The following NAT2 variants were observed in gnomAD, a reference collection of about 807,000 sequenced individuals.
NAT2 encodes the protein N-acetyltransferase 2, also known as arylamine N-acetyltransferase 2.
For missense variants in NAT2, 428 were observed against 339.1 expected, an observed-to-expected ratio of 1.26 and a Z score of -2.06; for synonymous variants, 137 against 125.9, an observed-to-expected ratio of 1.09 and a Z score of -0.59.
chr8:18,394,313 C>T (rs150180688), intron 1 of NAT2, among the ~76,000 whole-genome samples: 24 of 152,214 alleles, frequency 1.6e-4, no homozygotes, highest in African/African-American at 5.8e-4. Flanking sequence ...ATGCAGGTCA[C>T]GGGATATGAT....
chr8:18,395,618 G>A (rs1219436883), intron 1 of NAT2, among the ~76,000 whole-genome samples: 2 of 152,100 alleles, frequency 1.3e-5, no homozygotes, highest in Non-Finnish European at 2.9e-5. Flanking sequence ...CAACAAGACT[G>A]AATTTAGAAT....
upstream of NAT2, among the ~76,000 whole-genome samples, chr8:18,390,585 G>A (rs192791042): frequency 2.0e-3 from 297 of 151,946 alleles, no homozygotes; most frequent in African/African-American, 6.6e-3. Flanking sequence ...TATATACAAT[G>A]TTTATATTTT....
At chr8:18,396,662 G>A (rs1266496017) in intron 1 of NAT2, among the ~76,000 whole-genome samples, 2 of 152,094 alleles carry the variant, frequency 1.3e-5, no homozygotes, top group African/African-American at 2.4e-5. Context: ...CCAAAGTGCT[G>A]GGATGACAGG....
At position 18,400,304 on chromosome 8, in the gene NAT2, T is replaced by C. The variant is rs1200849934; in HGVS notation, c.301T>C (p.Tyr101His). The C allele has an allele frequency of 6.2e-7, 1 of 1,613,796 alleles. No homozygotes were observed. Among genetic ancestry groups the C allele is most frequent in the South Asian group, 1.1e-5 (1 of 91,042 alleles). Residue 101 changes from tyrosine (Y) to histidine (H), a missense_variant, in exon 2 of 2, where the codon TAC (tyrosine) becomes CAC (histidine). By Grantham distance (83) the Tyr-to-His change is moderately conservative. Coordinates refer to ENST00000286479, the MANE Select transcript of NAT2 (RefSeq NM_000015.3). ...TTTTTACATCCCTCCAGTTAACAAA[T>C]ACAGCACTGGCATGGTTCACCTTCT... ...GYFYIPPVNKYSTGMVHLLLQ... is the reference protein window; with the variant it reads ...GYFYIPPVNKHSTGMVHLLLQ...
In NAT2 at chr8:18,399,988, T is replaced by C. The variant is rs1263246579; in HGVS notation, c.-6-10T>C. On this transcript the variant is annotated splice_polypyrimidine_tract_variant and intron_variant, in intron 1 of 1. Transcript: ENST00000286479. Reference sequence around the variant, plus strand: ...ATGATATGTTTTTATGTTTTGTTTTTCTTGCTTAGGGGATCATGGACATTG... The same window carrying C: ...ATGATATGTTTTTATGTTTTGTTTTCCTTGCTTAGGGGATCATGGACATTG... 2 of 1,543,940 alleles carry C rather than the reference T, an allele frequency of 1.3e-6. No individual in the cohort carries two copies. The highest frequency in any genetic ancestry group is 2.1e-5 in the Admixed American group (1 of 48,420).
chr8:18,392,355 G>A (rs1459301639), intron 1 of NAT2, among the ~76,000 whole-genome samples: 1 of 152,162 alleles, frequency 6.6e-6, no homozygotes, highest in Non-Finnish European at 1.5e-5. Flanking sequence ...CTCAAAAGTA[G>A]GGAAGCCGAC....
In NAT2 at chr8:18,400,548, C is replaced by A; in HGVS notation, c.545C>A (p.Pro182Gln). Reference sequence around the variant, plus strand: ...GAATTTCTTAATTCTCATCTCCTGCCAAAGAAGAAACACCAAAAAATATAC... The same window carrying A: ...GAATTTCTTAATTCTCATCTCCTGCAAAAGAAGAAACACCAAAAAATATAC... ...NKEFLNSHLL[P>Q]KKKHQKIYLF... Residue 182 changes from proline to glutamine, a missense_variant, in exon 2 of 2, where the codon CCA (proline) becomes CAA (glutamine). By Grantham distance (76) the Pro-to-Gln change is moderately conservative (BLOSUM62 -1). Transcript: ENST00000286479. 1 of 1,612,250 alleles carries A rather than the reference C, an allele frequency of 6.2e-7. No homozygotes were observed. The highest frequency in any genetic ancestry group is 1.1e-5 in the South Asian group (1 of 90,656).
chr8:18,391,128 A>G (rs4351455), upstream of NAT2: 152,005 of 152,222 alleles, frequency 1, 75,895 homozygotes, highest in Non-Finnish European at 1. Context: ...CATTTTTAAC[A>G]AAAAGATTTG....
chr8:18,396,873 A>G (rs572538721), intron 1 of NAT2, among the ~76,000 whole-genome samples: 3 of 152,246 alleles, frequency 2.0e-5, no homozygotes, highest in East Asian at 1.9e-4. Context: ...AGTTTTGTCT[A>G]ATGTCTCAGT....
In NAT2 at chr8:18,394,353, A is replaced by C. The variant is rs538106971; in HGVS notation, c.-7+3008A>C. Among the ~76,000 whole-genome samples the C allele has an allele frequency of 5.0e-4, 76 of 152,344 alleles. 2 individuals carry two copies. The South Asian group carries it at 9.7e-3, about 19-fold the overall frequency. ...TAGCTTAGGCTCAGAGGCCTGACAC[A>C]CAGTAGAACTGATTTATTTGCAAAA... On this transcript the variant is annotated intron_variant, in intron 1 of 1. Transcript: ENST00000286479.
chr8:18,389,695 T>C (rs1696878146), upstream of NAT2, among the ~76,000 whole-genome samples: 1 of 152,184 alleles, frequency 6.6e-6, no homozygotes, highest in Non-Finnish European at 1.5e-5. Flanking sequence ...GCAGATCCCA[T>C]TCCTAATACA....
Position 18,391,316 on chromosome 8 carries a change from A to G in NAT2, c.-36A>G, listed in dbSNP as rs984848433. The G allele has an allele frequency of 2.6e-5, 4 of 152,294 alleles. No individual in the cohort carries two copies. Among genetic ancestry groups the G allele is most frequent in the Admixed American group, 2.6e-4 (4 of 15,290 alleles). 9.4% of individuals were successfully genotyped at this position (152,294 alleles called of 1,614,324 possible). A position where few individuals can be genotyped will look rare whatever the true frequency, so the allele number is the denominator to read the frequency against. On this transcript the variant is annotated 5_prime_UTR_variant, in exon 1 of 2. Coordinates refer to ENST00000286479, the MANE Select transcript of NAT2 (RefSeq NM_000015.3). ...CAGACCTTGGAAGCAAGAGGATTGC[A>G]TTCAGCCTAGTTCCTGGTTGCTGGC... is the stretch of plus-strand genomic sequence containing the variant.
At chr8:18,396,026 A>C (rs1401281832) in intron 1 of NAT2, among the ~76,000 whole-genome samples, 1 of 151,922 alleles carries the variant, frequency 6.6e-6, no homozygotes. Flanking sequence ...TTAAAAGAAA[A>C]TCTTATTCAA....
At chr8:18,387,726 A>C (rs1800528071), upstream of NAT2, 1 of 154,674 alleles carries the variant, frequency 6.5e-6, no homozygotes, top group Non-Finnish European at 1.4e-5. Context: ...GCTTGGCCTC[A>C]GCTCCTTAGC....
rs1377427375 is a variant in NAT2 at position 18,397,867 on chromosome 8, A to AT, written c.-6-2121dup. On this transcript the variant is annotated intron_variant, in intron 1 of 1. Coordinates refer to ENST00000286479, the MANE Select transcript of NAT2 (RefSeq NM_000015.3). ...TTCAACTTTTTGTTGGCTCTGGCAA[A>AT]TTTTTTTTTTCTTCAGGTCTAAATC... is the stretch of plus-strand genomic sequence containing the variant. Among the ~76,000 whole-genome samples the AT allele has an allele frequency of 4.3e-3, 648 of 150,636 alleles. 6 individuals are homozygous for AT. Among genetic ancestry groups the AT allele is most frequent in the African/African-American group, 0.015 (614 of 41,096 alleles).
chr8:18,389,978 G>A (rs1800567723), upstream of NAT2, among the ~76,000 whole-genome samples: 1 of 152,156 alleles, frequency 6.6e-6, no homozygotes, highest in Non-Finnish European at 1.5e-5. Context: ...CAATAAAAAG[G>A]TGCATTGTTG....
At chr8:18,395,125 C>A (rs1800661741) in intron 1 of NAT2, among the ~76,000 whole-genome samples, 1 of 152,302 alleles carries the variant, frequency 6.6e-6, no homozygotes, top group Non-Finnish European at 1.5e-5. Flanking sequence ...ATTGGGTGAG[C>A]AATCTTCATG....
rs370272963 is a variant in NAT2, at chr8:18,400,864, C to T, written c.861C>T (p.Ser287=). The change falls in exon 2 of 2, where the codon TCC becomes TCT. Residue 287 remains serine, a synonymous_variant. Coordinates refer to ENST00000286479, the MANE Select transcript of NAT2 (RefSeq NM_000015.3). ...RNLVPKPGDG[S]LTI is the part of the protein sequence containing the mutation. ...TCGTGCCCAAACCTGGTGATGGATC[C>T]CTTACTATTTAGAATAAGGAACAAA... 19 of 1,587,888 alleles carry T rather than the reference C, an allele frequency of 1.2e-5. No individual in the cohort carries two copies. Among genetic ancestry groups the T allele is most frequent in the Non-Finnish European group, 1.5e-5 (18 of 1,171,110 alleles).
In NAT2 at chr8:18,400,629, T is replaced by C. The variant is rs1246640246; in HGVS notation, c.626T>C (p.Leu209Pro). ...GATTTTGAGTCTATGAATACATACC[T>C]GCAGACGTCTCCAACATCTTCATTT... ...IEDFESMNTY[L>P]QTSPTSSFIT... Residue 209 changes from leucine (L) to proline (P), a missense_variant, in exon 2 of 2, where the codon CTG becomes CCG. By Grantham distance (98) the Leu-to-Pro change is moderately conservative (BLOSUM62 -3). Coordinates refer to ENST00000286479, the MANE Select transcript of NAT2 (RefSeq NM_000015.3). 6.2e-7 allele frequency: 1 copy of C among 1,614,050 alleles called. No individual in the cohort carries two copies. The highest frequency in any genetic ancestry group is 1.7e-5 in the Admixed American group (1 of 60,006).
Sources: allele counts gnomAD v4.1 joint callset (sites outside exome capture counted in the v4.1 genomes callset), GRCh38; gene constraint gnomAD v4.1.1; transcripts MANE v1.5; gene names NCBI Gene and HGNC (gene_info 2026-07-23, HGNC 2026-07-21).